TENM2: variants seen among roughly 807,000 people sequenced by gnomAD.
TENM2 encodes teneurin transmembrane protein 2.
In TENM2, 52 loss-of-function variants were observed where a neutral mutation model predicts 245.2. The ratio of observed to expected loss-of-function variants is 0.21; its 90% CI spans 0.17 to 0.27. The LOEUF is 0.27. Ranked by LOEUF, TENM2 falls within the 10% of genes least tolerant of loss-of-function variation. The pLI is 1.00. For missense variants in TENM2, 3,046 were observed against 3,666.8 expected, an observed-to-expected ratio of 0.83 and a Z score of 4.37; for synonymous variants, 1,363 against 1,438.9, an observed-to-expected ratio of 0.95 and a Z score of 1.19.
At chr5:168,130,789 C>A (rs1190894726) in intron 12 of TENM2, among the ~76,000 whole-genome samples, 1 of 151,946 alleles carries the variant, frequency 6.6e-6, no homozygotes, top group African/African-American at 2.4e-5. Flanking sequence ...CTTGGGAGGC[C>A]GATGTGGGAG....
intron 2 of TENM2, among the ~76,000 whole-genome samples, chr5:167,602,149 G>A (rs992593915): frequency 1.3e-5 from 2 of 152,044 alleles, no homozygotes; most frequent in Admixed American, 6.5e-5. Context: ...TTAAATCTCC[G>A]GATTCCTTTC....
At chr5:167,416,950 GT>G (rs1763200897) in intron 2 of TENM2, among the ~76,000 whole-genome samples, 1 of 152,028 alleles carries the variant, frequency 6.6e-6, no homozygotes, top group Non-Finnish European at 1.5e-5. Flanking sequence ...TACATAGATT[GT>G]TTCGTTTTTC....
At chr5:167,814,104 T>C (rs1766853406) in intron 2 of TENM2, among the ~76,000 whole-genome samples, 1 of 152,132 alleles carries the variant, frequency 6.6e-6, no homozygotes, top group African/African-American at 2.4e-5. Flanking sequence ...CAATGAAATC[T>C]GTCTAAAAAG....
chr5:167,857,842 C>G (rs868021923), intron 2 of TENM2, among the ~76,000 whole-genome samples: 4 of 152,104 alleles, frequency 2.6e-5, no homozygotes, highest in African/African-American at 9.7e-5. Context: ...CTGCTCATCC[C>G]CAAACTTAAG....
At chr5:167,027,500 CT>C in the TENM2 span, among the ~76,000 whole-genome samples, 1 of 152,090 alleles carries the variant, frequency 6.6e-6, no homozygotes, top group East Asian at 1.9e-4. Flanking sequence ...ATACTGCTAA[CT>C]TTTAAAAAAT....
chr5:168,226,161 G>T lies in TENM2; in HGVS notation c.5182G>T (p.Glu1728Ter), dbSNP rs1464108054. Reference sequence around the variant, plus strand: ...GGTAACCAGTCTGCACCGGGAAATGGAGAAATCTATTACCATTGACATTGA... The same window carrying T: ...GGTAACCAGTCTGCACCGGGAAATGTAGAAATCTATTACCATTGACATTGA... The change falls in exon 24 of 29, where the codon GAG becomes TAG. Residue 1728 changes from glutamate (E) to a stop codon, truncating the protein, a stop_gained. Transcript: ENST00000518659. LOFTEE classifies it high-confidence loss of function. 6.2e-7 allele frequency: 1 copy of T among 1,613,702 alleles called. No homozygotes were observed. The highest frequency in any genetic ancestry group is 8.5e-7 in the Non-Finnish European group (1 of 1,179,800).
At chr5:167,898,940 C>T (rs1313988389) in intron 3 of TENM2, among the ~76,000 whole-genome samples, 1 of 151,528 alleles carries the variant, frequency 6.6e-6, no homozygotes, top group Non-Finnish European at 1.5e-5. Context: ...TGGATTGGCT[C>T]GATGGTCATA....
intron 2 of TENM2, among the ~76,000 whole-genome samples, chr5:167,398,749 GC>G (rs1233185212): frequency 7.2e-5 from 11 of 152,084 alleles, no homozygotes; most frequent in African/African-American, 2.7e-4. Flanking sequence ...CCAGCACCCA[GC>G]CCCCTTTCCC....
At chr5:167,576,767 C>A (rs543601082) in intron 2 of TENM2, among the ~76,000 whole-genome samples, 1 of 152,264 alleles carries the variant, frequency 6.6e-6, no homozygotes, top group South Asian at 2.1e-4. Flanking sequence ...TAAAAGCATG[C>A]AACCTCTAAA....
intron 2 of TENM2, among the ~76,000 whole-genome samples, chr5:167,750,534 G>T (rs1003626191): frequency 2.0e-5 from 3 of 152,080 alleles, no homozygotes; most frequent in African/African-American, 7.2e-5. Context: ...TTTCTGCTGG[G>T]GTGATTGGTA....
rs1251807931 is a variant in TENM2, at chr5:168,218,783, A to G, written c.4892A>G (p.Asn1631Ser). The G allele has an allele frequency of 1.9e-6, 3 of 1,614,028 alleles. No homozygotes were observed. The highest frequency in any genetic ancestry group is 2.2e-5 in the East Asian group (1 of 44,884). ...AATGATGTCACTGAATTGATTGACA[A>G]TAATGGGAATTCCCTGAAGATCCGT... is the stretch of plus-strand genomic sequence containing the variant. Residue 1631 changes from asparagine to serine, a missense_variant, in exon 23 of 29, where the codon AAT becomes AGT. This residue lies in a region of TENM2 where 2,704 missense variants were observed against 3,331.9 expected (regional missense o/e 0.81). Coordinates refer to ENST00000518659, the Ensembl canonical transcript of TENM2. The surrounding 1 kb of genome is among the most constrained non-coding windows in gnomAD (Gnocchi z 5.2).
intron 7 of TENM2, among the ~76,000 whole-genome samples, chr5:168,072,495 A>T (rs1791101607): frequency 6.6e-6 from 1 of 152,152 alleles, no homozygotes; most frequent in Non-Finnish European, 1.5e-5. Context: ...TGTACTGGGG[A>T]TACAGTGATT....
At chr5:167,859,061 T>G (rs1771386042) in intron 2 of TENM2, among the ~76,000 whole-genome samples, 1 of 149,156 alleles carries the variant, frequency 6.7e-6, no homozygotes, top group Admixed American at 6.6e-5. Context: ...ATCTAGGAAG[T>G]GAGGAGCGTC....
At chr5:167,322,000 T>G (rs925677481) in intron 1 of TENM2, among the ~76,000 whole-genome samples, 1 of 151,740 alleles carries the variant, frequency 6.6e-6, no homozygotes, top group Non-Finnish European at 1.5e-5. Flanking sequence ...GACTAGTTTT[T>G]TTTGTATTTT....
chr5:167,356,216 A>AAAAAAAAG (rs1412322682), intron 1 of TENM2, among the ~76,000 whole-genome samples: 3 of 134,396 alleles, frequency 2.2e-5, no homozygotes, highest in African/African-American at 9.6e-5. Flanking sequence ...AAAAAAAAAA[A>AAAAAAAAG]AAAAATTAAA....
intron 1 of TENM2, among the ~76,000 whole-genome samples, chr5:167,337,746 G>T (rs1379260355): frequency 6.6e-6 from 1 of 152,182 alleles, no homozygotes; most frequent in Non-Finnish European, 1.5e-5. Flanking sequence ...GTTCAAAGTA[G>T]TGGGGTGATG....
the TENM2 span, among the ~76,000 whole-genome samples, chr5:167,176,027 C>G: frequency 6.6e-6 from 1 of 151,900 alleles, no homozygotes; most frequent in African/African-American, 2.4e-5. Context: ...TGGTCTTTCT[C>G]AAATCAAAAC....
At chr5:166,979,365 T>A in the TENM2 span, among the ~76,000 whole-genome samples, 1 of 151,960 alleles carries the variant, frequency 6.6e-6, no homozygotes, top group Non-Finnish European at 1.5e-5. Context: ...TGGGATTATT[T>A]TTTTTCCCCT....
chr5:168,004,440 G>A (rs1447392710), intron 5 of TENM2, among the ~76,000 whole-genome samples: 2 of 151,964 alleles, frequency 1.3e-5, no homozygotes, highest in African/African-American at 2.4e-5. Flanking sequence ...AGTGGTAGTG[G>A]GGACTTGGGA....
Sources: gnomAD v4.1 joint callset for allele counts (sites outside exome capture counted in the v4.1 genomes callset) on GRCh38, gnomAD v4.1.1 for gene constraint, gnomAD v4.1.1 regional missense constraint, Gnocchi (gnomAD v3.1) non-coding constraint, MANE v1.5 for transcripts, NCBI Gene and HGNC (gene_info 2026-07-23, HGNC 2026-07-21) for gene names.